FGFR3: variants seen among roughly 807,000 people sequenced by gnomAD.
The protein encoded by FGFR3 is FGFR-3.
In FGFR3, 25 loss-of-function variants were observed where a neutral mutation model predicts 82.9. The observed-to-expected ratio is 0.30, with a 90% CI of 0.22 to 0.42. The LOEUF (loss-of-function observed/expected upper bound fraction) is 0.42, where lower values mean the gene tolerates loss of function less well. FGFR3 is among the 10% of genes least tolerant of loss of function. The pLI is 1.00. For synonymous variants in FGFR3, 620 were observed against 516.0 expected (o/e 1.20, Z -2.73); for missense variants, 1,026 against 1,161.0 (o/e 0.88, Z 1.69).
intron 14 of FGFR3, 25 bp downstream of exon 14, chr4:1,806,198 G>T (rs1158421801): frequency 6.2e-7 from 1 of 1,612,632 alleles, no homozygotes; most frequent in Non-Finnish European, 8.5e-7. Flanking sequence ...GGGGTGCGGG[G>T]GTGGGGGTCA....
At position 1,806,796 on chromosome 4, in the gene FGFR3, G is replaced by A. The variant is rs3135899; in HGVS notation, c.2169-33G>A. On this transcript the variant is annotated intron_variant, in intron 16 of 17. Transcript: ENST00000440486. ...GCTGTTCCCGAATAAGGCGGGAAGC[G>A]GCGGGGCTCACTCCTGAGCGCCCTG... 21,109 of 1,585,242 alleles carry A rather than the reference G, an allele frequency of 0.013. 184 individuals are homozygous for A. The highest frequency in any genetic ancestry group is 0.016 in the Non-Finnish European group (18,107 of 1,166,110).
intron 2 of FGFR3, among the ~76,000 whole-genome samples, chr4:1,796,991 T>C (rs1022845843): frequency 6.6e-6 from 1 of 152,046 alleles, no homozygotes; most frequent in African/African-American, 2.4e-5. Context: ...AGGTCGGCAC[T>C]GTGTGGGGTT....
intron 9 of FGFR3, 142 bp downstream of exon 9, chr4:1,804,662 G>A: frequency 1.4e-6 from 2 of 1,427,916 alleles, no homozygotes; most frequent in Non-Finnish European, 1.9e-6. Flanking sequence ...TGCTCACCAT[G>A]TAGAGCCTAG....
chr4:1,797,456 C>T (rs1302772782), intron 2 of FGFR3, among the ~76,000 whole-genome samples: 2 of 152,150 alleles, frequency 1.3e-5, no homozygotes, highest in Non-Finnish European at 2.9e-5. Context: ...GTGTGGCTGG[C>T]CTGGGGCTGC....
Position 1,804,852 on chromosome 4 carries a change from G to A in FGFR3, c.1295G>A (p.Ser432Asn), listed in dbSNP as rs974287483. Residue 432 changes from serine to asparagine, a missense_variant, in exon 10 of 18, where the codon AGC (serine) becomes AAC (asparagine). Physicochemically the swap from Ser to Asn is conservative, Grantham distance 46. Coordinates refer to ENST00000440486, the MANE Select transcript of FGFR3 (RefSeq NM_000142.5). ...TCCCTGGAGTCCAACGCGTCCATGA[G>A]CTCCAACACACCACTGGTGCGCATC... ...QVSLESNASM[S>N]SNTPLVRIAR... The A allele has an allele frequency of 4.5e-6, 7 of 1,550,020 alleles. No homozygotes were observed. Among genetic ancestry groups the A allele is most frequent in the Admixed American group, 2.0e-5 (1 of 51,010 alleles).
chr4:1,794,931 T>C (rs1035769321), intron 2 of FGFR3, among the ~76,000 whole-genome samples: 5 of 151,532 alleles, frequency 3.3e-5, no homozygotes, highest in Non-Finnish European at 7.4e-5. Flanking sequence ...GCCGCTTCTT[T>C]GTACCTCGAC....
intron 2 of FGFR3, among the ~76,000 whole-genome samples, chr4:1,794,549 G>A (rs2108754183): frequency 6.6e-6 from 1 of 152,298 alleles, no homozygotes; most frequent in Non-Finnish European, 1.5e-5. Flanking sequence ...CAGCGTCCCC[G>A]CTGCCGACCC....
Position 1,807,365 on chromosome 4 carries a change from G to A in FGFR3, c.*103G>A. 6.9e-7 allele frequency: 1 copy of A among 1,456,638 alleles called. No individual in the cohort carries two copies. Among genetic ancestry groups the A allele is most frequent in the Non-Finnish European group, 9.3e-7 (1 of 1,074,772 alleles). 90.2% of individuals were successfully genotyped at this position (1,456,638 alleles called of 1,614,324 possible). A position where few individuals can be genotyped will look rare whatever the true frequency, so the allele number is the denominator to read the frequency against. ...GAGACTCAGTGCAGATGGAGAGACA[G>A]CTACACAGAGCTTTGGTCTGTGTGT... On this transcript the variant is annotated 3_prime_UTR_variant, in exon 18 of 18. Transcript: ENST00000440486.
In FGFR3 at chr4:1,807,500, G is replaced by T; in HGVS notation, c.*238G>T. The T allele has an allele frequency of 1.4e-6, 1 of 725,726 alleles. No individual in the cohort carries two copies. Among genetic ancestry groups the T allele is most frequent in the South Asian group, 1.5e-5 (1 of 67,932 alleles). The allele number at this position is 725,726 out of a possible 1,614,324, so 45.0% of individuals were successfully genotyped here. ...CTGGGTGTCCCCGCTGCTGTGCAAC[G>T]GTCTCCTGACTGGTGCTGCAGCACC... On this transcript the variant is annotated 3_prime_UTR_variant, in exon 18 of 18. Transcript: ENST00000440486.
intron 2 of FGFR3, among the ~76,000 whole-genome samples, chr4:1,795,386 C>A (rs973496386): frequency 1.3e-5 from 2 of 151,842 alleles, no homozygotes; most frequent in Non-Finnish European, 2.9e-5. Context: ...CCTGCGGGCG[C>A]GCGGGGCCTC....
Position 1,808,384 on chromosome 4 carries a change from TTTC to T in FGFR3, c.*1125_*1127del, listed in dbSNP as rs1275534559. On this transcript the variant is annotated 3_prime_UTR_variant, in exon 18 of 18. Transcript: ENST00000440486. ...AGGAGAATTAGATTTCTATAGGATT[TTTC>T]TTTAGGAGATTTATTTTTTGGACTT... 4.3e-6 allele frequency: 1 copy of T among 232,440 alleles called. No homozygotes were observed. Among genetic ancestry groups the T allele is most frequent in the East Asian group, 6.1e-5 (1 of 16,478 alleles). 14.4% of individuals were successfully genotyped at this position (232,440 alleles called of 1,614,324 possible). A position where few individuals can be genotyped will look rare whatever the true frequency, so the allele number is the denominator to read the frequency against.
intron 8 of FGFR3, 93 bp downstream of exon 8, chr4:1,803,929 G>A (rs1560428388): frequency 5.9e-6 from 8 of 1,364,804 alleles, no homozygotes; most frequent in Non-Finnish European, 2.1e-6. Flanking sequence ...GGAATCCTGT[G>A]ACTTACGGCC....
Position 1,801,950 on chromosome 4 carries a change from C to A in FGFR3, c.855C>A (p.Ile285=), listed in dbSNP as rs751184462. ...CKVYSDAQPH[I]QWLKHVEVNG... ...TGTACAGTGACGCACAGCCCCACAT[C>A]CAGTGGCTCAAGCACGTGGAGGTGA... is the stretch of plus-strand genomic sequence containing the variant. The change falls in exon 7 of 18, where the codon ATC becomes ATA. Residue 285 remains isoleucine (I), a synonymous_variant. Coordinates refer to ENST00000440486, the MANE Select transcript of FGFR3 (RefSeq NM_000142.5). 6.2e-7 allele frequency: 1 copy of A among 1,612,716 alleles called. No homozygotes were observed. Among genetic ancestry groups the A allele is most frequent in the African/African-American group, 1.3e-5 (1 of 74,928 alleles).
Position 1,807,143 on chromosome 4 carries a change from G to T in FGFR3, c.2302G>T (p.Glu768Ter), listed in dbSNP as rs560280646. The change falls in exon 18 of 18, where the codon GAG becomes TAG. Residue 768 changes from glutamate to a stop codon, truncating the protein, a stop_gained. Transcript: ENST00000440486. LOFTEE classifies it low-confidence loss of function (END_TRUNC). ...DEYLDLSAPF[E>*]QYSPGGQDTP... is the part of the protein sequence containing the mutation. Reference sequence around the variant, plus strand: ...GTACCTGGACCTGTCGGCGCCTTTCGAGCAGTACTCCCCGGGTGGCCAGGA... The same window carrying T: ...GTACCTGGACCTGTCGGCGCCTTTCTAGCAGTACTCCCCGGGTGGCCAGGA... 3 of 1,596,080 alleles carry T rather than the reference G, an allele frequency of 1.9e-6. No individual in the cohort carries two copies. Among genetic ancestry groups the T allele is most frequent in the Non-Finnish European group, 2.6e-6 (3 of 1,171,978 alleles).
In FGFR3 at chr4:1,806,612, T is replaced by C. The variant is rs763282024; in HGVS notation, c.2097T>C (p.Pro699=). 7.4e-6 allele frequency: 12 copies of C among 1,612,972 alleles called. No homozygotes were observed. Among genetic ancestry groups the C allele is most frequent in the Admixed American group, 1.7e-5 (1 of 59,994 alleles). ...TLGGSPYPGI[P]VEELFKLLKE... is the part of the protein sequence containing the mutation. The stretch of plus-strand genomic sequence containing the variant: ...GGGGCTCCCCGTACCCCGGCATCCC[T>C]GTGGAGGAGCTCTTCAAGCTGCTGA... The change falls in exon 16 of 18, where the codon CCT becomes CCC. Residue 699 remains proline (P), a synonymous_variant. Coordinates refer to ENST00000440486, the MANE Select transcript of FGFR3 (RefSeq NM_000142.5).
rs1232148533 is a variant in FGFR3, at chr4:1,804,988, C to T, written c.1412+19C>T. 6.5e-7 allele frequency: 1 copy of T among 1,539,990 alleles called. No homozygotes were observed. The highest frequency in any genetic ancestry group is 8.8e-7 in the Non-Finnish European group (1 of 1,139,790). ...GGGCCCGGTCAGTGGTGCTGAGGGC[C>T]AGCGTTGGCTGTAGGGGGCTTGGTG... is the stretch of plus-strand genomic sequence containing the variant. On this transcript the variant is annotated intron_variant, in intron 10 of 17. Coordinates refer to ENST00000440486, the MANE Select transcript of FGFR3 (RefSeq NM_000142.5).
chr4:1,803,984 G>A, intron 8 of FGFR3, 148 bp downstream of exon 8: 1 of 1,039,904 alleles, frequency 9.6e-7, no homozygotes, highest in South Asian at 1.3e-5. Context: ...GCCCAGTGTG[G>A]GGACAAAGTT....
chr4:1,806,246 C>A lies in FGFR3; in HGVS notation c.1960-11C>A, dbSNP rs375196946. On this transcript the variant is annotated splice_polypyrimidine_tract_variant and intron_variant, in intron 14 of 17. Coordinates refer to ENST00000440486, the MANE Select transcript of FGFR3 (RefSeq NM_000142.5). ...GCCTGGCGCCAACACCGCCTTCCCACACCCTCCCAGGGCCGGCTGCCCGTG... is the reference window on the plus strand; with the variant it reads ...GCCTGGCGCCAACACCGCCTTCCCAAACCCTCCCAGGGCCGGCTGCCCGTG... 1 of 1,613,028 alleles carries A rather than the reference C, an allele frequency of 6.2e-7. No homozygotes were observed. The highest frequency in any genetic ancestry group is 1.3e-5 in the African/African-American group (1 of 75,036).
rs987829946 is a variant in FGFR3 at position 1,802,034 on chromosome 4, C to T, written c.930+9C>T. 1 of 1,609,666 alleles carries T rather than the reference C, an allele frequency of 6.2e-7. No homozygotes were observed. The highest frequency in any genetic ancestry group is 8.5e-7 in the Non-Finnish European group (1 of 1,178,478). ...ACGTTACCGTGCTCAAGGTGGGCCA[C>T]CGTGTGCACGTGGGTGCCGCCGCTG... On this transcript the variant is annotated intron_variant, in intron 7 of 17. Coordinates refer to ENST00000440486, the MANE Select transcript of FGFR3 (RefSeq NM_000142.5).
Sources: allele counts gnomAD v4.1 joint callset (sites outside exome capture counted in the v4.1 genomes callset), GRCh38; gene constraint gnomAD v4.1.1; transcripts MANE v1.5; gene names NCBI Gene and HGNC (gene_info 2026-07-23, HGNC 2026-07-21).